The following IL13RA2 variants were observed in gnomAD, a reference collection of about 807,000 sequenced individuals.
IL13RA2 encodes interleukin 13 receptor subunit alpha 2.
In IL13RA2, 25 loss-of-function variants were observed where a neutral mutation model predicts 34.1. The ratio of observed to expected loss-of-function variants is 0.73; its 90% CI spans 0.53 to 1.03. The LOEUF is 1.03. Ranked by LOEUF, IL13RA2 falls within the 50% of genes least tolerant of loss-of-function variation. The probability of loss-of-function intolerance (pLI) is 0.00; values close to 1 mark genes in which losing one functional copy is unlikely to be tolerated. For synonymous variants in IL13RA2, 106 were observed against 100.4 expected (o/e 1.06, Z -0.33); for missense variants, 297 against 280.9 (o/e 1.06, Z -0.41).
Position 115,014,512 on chromosome X carries a change from C to T in IL13RA2, c.309G>A (p.Ala103=), listed in dbSNP as rs143961112. Residue 103 remains alanine, a synonymous_variant, in exon 4 of 10, where the codon GCG becomes GCA. Coordinates refer to ENST00000243213, the MANE Select transcript of IL13RA2 (RefSeq NM_000640.3). ...GCCATGGTAAAAGCGTGTGTATCTTCGCTTCAATGCCCTTGTTAAGATCAA... is the reference window on the plus strand; with the variant it reads ...GCCATGGTAAAAGCGTGTGTATCTTTGCTTCAATGCCCTTGTTAAGATCAA... ...DGFDLNKGIE[A]KIHTLLPWQC... 1,244 of 1,185,728 alleles carry T rather than the reference C, an allele frequency of 1.0e-3. 5 individuals are homozygous for T. Among genetic ancestry groups the T allele is most frequent in the Non-Finnish European group, 1.2e-3 (1,067 of 875,408 alleles).
Position 115,005,315 on chromosome X carries a change from C to T in IL13RA2, c.998G>A (p.Gly333Asp), listed in dbSNP as rs896065153. ...SEWSDKQCWEGEDLSKKTLLR... is the reference protein window; with the variant it reads ...SEWSDKQCWEDEDLSKKTLLR... Reference sequence around the variant, plus strand: ...CAAAGTTTTCTTCGATAGGTCTTCACCTAGGATTAAAAATCACACGGAAAG... The same window carrying T: ...CAAAGTTTTCTTCGATAGGTCTTCATCTAGGATTAAAAATCACACGGAAAG... Residue 333 changes from glycine to aspartate, a missense_variant and splice_region_variant, in exon 9 of 10, where the codon GGT becomes GAT. Coordinates refer to ENST00000243213, the MANE Select transcript of IL13RA2 (RefSeq NM_000640.3). 3 of 889,011 alleles carry T rather than the reference C, an allele frequency of 3.4e-6. No homozygotes were observed. The highest frequency in any genetic ancestry group is 3.9e-5 in the African/African-American group (2 of 51,337). The allele number at this position is 889,011 out of a possible 1,213,427, so 73.3% of individuals were successfully genotyped here.
intron 3 of IL13RA2, 105 bp downstream of exon 3, chrX:115,015,565 A>G (rs2071723478): frequency 1.4e-6 from 1 of 715,363 alleles, no homozygotes; most frequent in African/African-American, 2.1e-5. Context: ...TTTATATCCT[A>G]ATTAGAACTA....
In IL13RA2 at chrX:115,014,504, T is replaced by C. The variant is rs1036739144; in HGVS notation, c.317A>G (p.His106Arg). ...DLNKGIEAKI[H>R]TLLPWQCTNG... ...TGTGCATTGCCATGGTAAAAGCGTG[T>C]GTATCTTCGCTTCAATGCCCTTGTT... Residue 106 changes from histidine (H) to arginine (R), a missense_variant, in exon 4 of 10, where the codon CAC becomes CGC. His to Arg is a conservative substitution (Grantham distance 29). Transcript: ENST00000243213. 37 of 1,189,913 alleles carry C rather than the reference T, an allele frequency of 3.1e-5. No individual in the cohort carries two copies. The highest frequency in any genetic ancestry group is 4.2e-5 in the Non-Finnish European group (37 of 877,221).
chrX:115,012,472 A>T (rs782178706), intron 5 of IL13RA2, among the ~76,000 whole-genome samples: 1 of 112,258 alleles, frequency 8.9e-6, no homozygotes, highest in South Asian at 3.7e-4. Flanking sequence ...CTATAAAAAA[A>T]AATAGTTCAA....
intron 3 of IL13RA2, 41 bp downstream of exon 3, chrX:115,015,629 C>CTGA: frequency 8.9e-7 from 1 of 1,120,734 alleles, no homozygotes; most frequent in South Asian, 1.8e-5. Context: ...AAAGTAACAC[C>CTGA]TGATGATCAC....
At chrX:115,008,321 G>A (rs1429885870) in intron 7 of IL13RA2, among the ~76,000 whole-genome samples, 1 of 111,208 alleles carries the variant, frequency 9.0e-6, no homozygotes, top group African/African-American at 3.3e-5. Flanking sequence ...TTACAGTGAA[G>A]GACAGCATGT....
intron 3 of IL13RA2, among the ~76,000 whole-genome samples, chrX:115,014,957 A>G (rs1256851454): frequency 8.9e-5 from 10 of 111,790 alleles, no homozygotes; most frequent in Non-Finnish European, 1.3e-4. Flanking sequence ...CAAGAAATAC[A>G]TAAACTAAAA....
At chrX:115,007,016 G>A (rs781882287) in intron 8 of IL13RA2, among the ~76,000 whole-genome samples, 100 of 111,386 alleles carry the variant, frequency 9.0e-4, no homozygotes, top group African/African-American at 3.2e-3. Flanking sequence ...TAGGCTTCTC[G>A]TTTATTGCCT....
chrX:115,014,616 TCCA>T, intron 3 of IL13RA2, 42 bp from the exon 4 acceptor site: 1 of 1,030,518 alleles, frequency 9.7e-7, no homozygotes, highest in South Asian at 2.2e-5. Flanking sequence ...CTTAGAAACC[TCCA>T]TGGTATAGTG....
chrX:115,015,986 A>T (rs1556509898), intron 2 of IL13RA2, among the ~76,000 whole-genome samples, 165 bp from the exon 3 acceptor site: 1 of 112,414 alleles, frequency 8.9e-6, no homozygotes, highest in Non-Finnish European at 1.9e-5. Context: ...TGAAGTACTG[A>T]TTCATGCTAC....
chrX:115,015,023 T>A (rs2071720870), intron 3 of IL13RA2, among the ~76,000 whole-genome samples: 1 of 111,096 alleles, frequency 9.0e-6, no homozygotes, highest in African/African-American at 3.3e-5. Flanking sequence ...AGGACAAAAA[T>A]CATTTATTAT....
intron 1 of IL13RA2, 58 bp from the exon 2 acceptor site, chrX:115,017,360 C>T (rs1302988146): frequency 3.7e-6 from 2 of 535,041 alleles, no homozygotes; most frequent in African/African-American, 2.4e-5. Flanking sequence ...TCAAACTAAA[C>T]GTGATTAAAA....
At chrX:115,012,998 G>C (rs952494957) in intron 5 of IL13RA2, among the ~76,000 whole-genome samples, 31 of 111,434 alleles carry the variant, frequency 2.8e-4, no homozygotes, top group Non-Finnish European at 5.7e-4. Context: ...TCTAAATTGA[G>C]TGGAGCATTC....
At chrX:115,004,469 T>C (rs1490069056) in intron 9 of IL13RA2, among the ~76,000 whole-genome samples, 1 of 105,440 alleles carries the variant, frequency 9.5e-6, no homozygotes. Flanking sequence ...AGTCCCGCTA[T>C]GTTGGTGCCT....
At position 115,009,650 on chromosome X, in the gene IL13RA2, T is replaced by C. The variant is rs782658681; in HGVS notation, c.723A>G (p.Pro241=). The change falls in exon 7 of 10, where the codon CCA becomes CCG. Residue 241 remains proline (P), a synonymous_variant. Coordinates refer to ENST00000243213, the MANE Select transcript of IL13RA2 (RefSeq NM_000640.3). Reference sequence around the variant, plus strand: ...TCTCCCGAGTAAAAGTAAGATAGACTGGCGGCAAAGGTTTAACTGAAAAGC... The same window carrying C: ...TCTCCCGAGTAAAAGTAAGATAGACCGGCGGCAAAGGTTTAACTGAAAAGC... The part of the protein sequence containing the change: ...QLQNIVKPLP[P]VYLTFTRESS... 1 of 1,208,522 alleles carries C rather than the reference T, an allele frequency of 8.3e-7. No homozygotes were observed. The highest frequency in any genetic ancestry group is 1.1e-6 in the Non-Finnish European group (1 of 892,850).
At chrX:115,016,738 A>G (rs1449830156) in intron 2 of IL13RA2, among the ~76,000 whole-genome samples, 1 of 107,088 alleles carries the variant, frequency 9.3e-6, no homozygotes, top group African/African-American at 3.4e-5. Context: ...TATAATTGAA[A>G]AATTAAATAA....
At chrX:115,014,655 C>A in intron 3 of IL13RA2, 81 bp from the exon 4 acceptor site, 1 of 639,512 alleles carries the variant, frequency 1.6e-6, no homozygotes, top group South Asian at 4.1e-5. Flanking sequence ...ACTAATAAAT[C>A]ATTAATACCC....
rs782634692 is a variant in IL13RA2 at position 115,004,159 on chromosome X, A to T, written c.1117-53T>A. On this transcript the variant is annotated intron_variant, in intron 9 of 9. Coordinates refer to ENST00000243213, the MANE Select transcript of IL13RA2 (RefSeq NM_000640.3). ...CATCTCTAATAACACAAACTATTTC[A>T]CTGAAGATTAACAACTCAGAGAATA... The T allele has an allele frequency of 3.4e-4, 217 of 645,481 alleles. 3 individuals carry two copies. The South Asian group carries it at 3.9e-3, about 11-fold the overall frequency. The allele number at this position is 645,481 out of a possible 1,213,427, so 53.2% of individuals were successfully genotyped here. A position where few individuals can be genotyped will look rare whatever the true frequency, so the allele number is the denominator to read the frequency against.
chrX:115,015,465 T>G (rs17095070), intron 3 of IL13RA2, among the ~76,000 whole-genome samples: 2,725 of 111,586 alleles, frequency 0.024, 92 homozygotes, highest in African/African-American at 0.085. Flanking sequence ...TTGTTTTTTT[T>G]CTTGTTCTTC....
Sources: allele counts gnomAD v4.1 joint callset (sites outside exome capture counted in the v4.1 genomes callset), GRCh38; gene constraint gnomAD v4.1.1; transcripts MANE v1.5; gene names NCBI Gene and HGNC (gene_info 2026-07-23, HGNC 2026-07-21).